The following TRAPPC10 variants were observed in gnomAD, a reference collection of about 807,000 sequenced individuals.
The protein encoded by TRAPPC10 is trafficking protein particle complex subunit 10, also known as TRAPP 130 kDa subunit.
Under a neutral mutation model 125.5 loss-of-function variants are expected in TRAPPC10, and 23 were observed. The ratio of observed to expected loss-of-function variants is 0.18; its 90% CI spans 0.13 to 0.26. The LOEUF (loss-of-function observed/expected upper bound fraction) is 0.26. Among genes scored for constraint, TRAPPC10 ranks in the 10% least tolerant of loss-of-function variants. TRAPPC10 has a pLI of 1.00. For synonymous variants in TRAPPC10, 509 were observed against 518.0 expected (o/e 0.98, Z 0.24); for missense variants, 1,123 against 1,308.4 (o/e 0.86, Z 2.19).
At position 44,083,220 on chromosome 21, in the gene TRAPPC10, C is replaced by T. The variant is rs536654754; in HGVS notation, c.2156C>T (p.Ala719Val). Residue 719 changes from alanine to valine, a missense_variant, in exon 14 of 23, where the codon GCT (alanine) becomes GTT (valine). Physicochemically the swap from Ala to Val is moderately conservative, Grantham distance 64. Transcript: ENST00000291574. ...SSSLEMPSGV[A>V]LEEGAHVLRC... ...TCTCTAGAGATGCCCTCAGGGGTGG[C>T]TCTGGAGGAGGGTGCCCACGTGCTG... is the stretch of plus-strand genomic sequence containing the variant. 2 of 1,614,146 alleles carry T rather than the reference C, an allele frequency of 1.2e-6. No individual in the cohort carries two copies. The highest frequency in any genetic ancestry group is 3.3e-5 in the Admixed American group (2 of 60,022).
intron 1 of TRAPPC10, among the ~76,000 whole-genome samples, chr21:44,030,964 C>A (rs1218163533): frequency 2.6e-5 from 4 of 152,188 alleles, no homozygotes; most frequent in Admixed American, 1.3e-4. Flanking sequence ...GAGCTCTTCT[C>A]ATTTTCCCAT....
chr21:44,047,646 G>A (rs989627321), intron 3 of TRAPPC10, among the ~76,000 whole-genome samples: 2 of 151,516 alleles, frequency 1.3e-5, no homozygotes, highest in African/African-American at 2.4e-5. Flanking sequence ...CTTTTTCTTG[G>A]TGTTTCATTT....
intron 3 of TRAPPC10, among the ~76,000 whole-genome samples, chr21:44,049,878 C>CTTTT (rs71326020): frequency 2.0e-5 from 3 of 147,646 alleles, no homozygotes; most frequent in Non-Finnish European, 4.5e-5. Flanking sequence ...TTCTTTCTTT[C>CTTTT]TTTTTTTTTT....
chr21:44,089,356 T>G (rs956636775), intron 17 of TRAPPC10: 3 of 359,168 alleles, frequency 8.4e-6, no homozygotes, highest in African/African-American at 6.4e-5. Flanking sequence ...TAAACTGATT[T>G]GGTTTTCAGT....
intron 1 of TRAPPC10, among the ~76,000 whole-genome samples, chr21:44,024,769 A>G (rs1466909621): frequency 6.6e-6 from 1 of 152,200 alleles, no homozygotes; most frequent in Non-Finnish European, 1.5e-5. Flanking sequence ...TACTTCCAAA[A>G]TTAAATCTAC....
chr21:44,031,370 T>TA (rs1355181601), intron 1 of TRAPPC10, among the ~76,000 whole-genome samples: 1 of 152,252 alleles, frequency 6.6e-6, no homozygotes, highest in Non-Finnish European at 1.5e-5. Context: ...ATCATCATTT[T>TA]ATGAGAACAA....
intron 14 of TRAPPC10, 143 bp downstream of exon 14, chr21:44,083,445 A>G: frequency 1.1e-6 from 1 of 890,166 alleles, no homozygotes; most frequent in Non-Finnish European, 1.7e-6. Context: ...TTATACAAAA[A>G]TACACTGATG....
rs887385379 is a variant in TRAPPC10 at position 44,087,646 on chromosome 21, G to A, written c.2540-53G>A. ...GGCCATCACCTGCTGTAAGGAAAAG[G>A]ACAAGTGAAACCGAGGGAACAGCTT... On this transcript the variant is annotated intron_variant, in intron 16 of 22. Transcript: ENST00000291574. This position sits in a 1 kb window ranked among gnomAD's most constrained non-coding sequence, Gnocchi z 4.6. 15 of 1,534,136 alleles carry A rather than the reference G, an allele frequency of 9.8e-6. No individual in the cohort carries two copies. The highest frequency in any genetic ancestry group is 3.4e-4 in the Middle Eastern group (2 of 5,936).
chr21:44,096,025 CCAG>C (rs1221280476), intron 20 of TRAPPC10, among the ~76,000 whole-genome samples: 1 of 97,106 alleles, frequency 1.0e-5, no homozygotes. Flanking sequence ...ATAGTGGATT[CCAG>C]CTGGGACCCA....
intron 17 of TRAPPC10, chr21:44,088,164 C>G: frequency 1.8e-6 from 1 of 555,336 alleles, no homozygotes. Flanking sequence ...TTCCAGGGGC[C>G]AGGGAGTTTG....
In TRAPPC10 at chr21:44,087,916, C is replaced by T. The variant is rs139788010; in HGVS notation, c.2757C>T (p.Thr919=). The T allele has an allele frequency of 1.2e-6, 2 of 1,613,440 alleles. No homozygotes were observed. Among genetic ancestry groups the T allele is most frequent in the African/African-American group, 2.7e-5 (2 of 75,050 alleles). ...AGAGAACTGGCCGCTGCATGGTTAC[C>T]ACAGACCACAAAGTGAGTAGGGACA... The part of the protein sequence containing the change: ...DKQRTGRCMV[T]TDHKVSIDCP... The change falls in exon 17 of 23, where the codon ACC becomes ACT. Residue 919 remains threonine, a synonymous_variant. Transcript: ENST00000291574. This position sits in a 1 kb window ranked among gnomAD's most constrained non-coding sequence, Gnocchi z 4.6.
rs1189299318 is a variant in TRAPPC10, at chr21:44,063,043, C to T, written c.791-495C>T. On this transcript the variant is annotated intron_variant, in intron 6 of 22. Coordinates refer to ENST00000291574, the MANE Select transcript of TRAPPC10 (RefSeq NM_003274.5). The surrounding 1 kb of genome is among the most constrained non-coding windows in gnomAD (Gnocchi z 4.4). The stretch of plus-strand genomic sequence containing the variant: ...TGCTGCTACCAAGTCCTCCCTGTCC[C>T]TTCCTCCAGGAGCTTGACTCAGGGA... 3.1e-6 allele frequency: 4 copies of T among 1,304,410 alleles called. No individual in the cohort carries two copies. In the East Asian group the frequency reaches 2.2e-4, roughly 72 times the overall value. The allele number at this position is 1,304,410 out of a possible 1,614,324, so 80.8% of individuals were successfully genotyped here.
chr21:44,030,942 G>A (rs911464784), intron 1 of TRAPPC10, among the ~76,000 whole-genome samples: 9 of 152,148 alleles, frequency 5.9e-5, no homozygotes, highest in African/African-American at 1.9e-4. Context: ...CCTCACCAGA[G>A]CTCCTCTGGC....
chr21:44,046,012 A>G (rs1178447311), intron 3 of TRAPPC10, among the ~76,000 whole-genome samples: 3 of 151,242 alleles, frequency 2.0e-5, no homozygotes, highest in African/African-American at 7.3e-5. Context: ...TCCACCGGAG[A>G]GGAAATCATG....
intron 1 of TRAPPC10, among the ~76,000 whole-genome samples, chr21:44,031,572 G>A (rs2033585528): frequency 6.6e-6 from 1 of 152,190 alleles, no homozygotes; most frequent in East Asian, 1.9e-4. Flanking sequence ...TTCCTCCCAG[G>A]AGTTATGGGG....
At chr21:44,092,253 TTCTTTTTAGAAGAATTAAA>T (rs1371036744) in intron 19 of TRAPPC10, among the ~76,000 whole-genome samples, 1 of 152,238 alleles carries the variant, frequency 6.6e-6, no homozygotes, top group Admixed American at 6.5e-5. Context: ...GGATGAATTC[TTCTTTTTAGAAGAATTAAA>T]TCTGAAACTG....
At chr21:44,068,224 GA>G (rs1370517909) in intron 7 of TRAPPC10, among the ~76,000 whole-genome samples, 1 of 152,096 alleles carries the variant, frequency 6.6e-6, no homozygotes, top group Non-Finnish European at 1.5e-5. Context: ...GAGTGAAATA[GA>G]ATTCCTGGCC....
At chr21:44,036,501 A>G (rs1456877326) in intron 2 of TRAPPC10, among the ~76,000 whole-genome samples, 3 of 152,184 alleles carry the variant, frequency 2.0e-5, no homozygotes, top group Non-Finnish European at 4.4e-5. Flanking sequence ...GTTCTGTTCC[A>G]TCACTTCTGT....
chr21:44,022,955 G>A (rs1349588906), intron 1 of TRAPPC10, among the ~76,000 whole-genome samples: 1 of 150,866 alleles, frequency 6.6e-6, no homozygotes, highest in Non-Finnish European at 1.5e-5. Context: ...TTGGAAATTG[G>A]CAGCCATTTA....
Sources: gnomAD v4.1 joint callset for allele counts (sites outside exome capture counted in the v4.1 genomes callset) on GRCh38, gnomAD v4.1.1 for gene constraint, Gnocchi (gnomAD v3.1) non-coding constraint, MANE v1.5 for transcripts, NCBI Gene and HGNC (gene_info 2026-07-23, HGNC 2026-07-21) for gene names.